The following C2CD3 variants were observed in gnomAD, a reference collection of about 807,000 sequenced individuals.
The protein encoded by C2CD3 is C2 domain-containing protein 3.
Under a neutral mutation model 234.0 loss-of-function variants are expected in C2CD3, and 148 were observed. That is an observed-to-expected ratio of 0.63 (90% CI 0.55 to 0.72). C2CD3 has a LOEUF of 0.72. Ranked by LOEUF, C2CD3 falls within the 30% of genes least tolerant of loss-of-function variation. C2CD3 has a pLI of 0.00. For missense variants in C2CD3, 2,577 were observed against 2,811.5 expected, an observed-to-expected ratio of 0.92 and a Z score of 1.89; for synonymous variants, 1,000 against 1,035.4, an observed-to-expected ratio of 0.97 and a Z score of 0.66.
At chr11:74,019,191 G>A (rs532218677) in intron 32 of C2CD3, among the ~76,000 whole-genome samples, 52 of 152,308 alleles carry the variant, frequency 3.4e-4, no homozygotes, top group African/African-American at 1.2e-3. Flanking sequence ...CTTACAAGAA[G>A]AGCTCCTGGC....
At chr11:74,146,124 T>A (rs558175444) in intron 3 of C2CD3, among the ~76,000 whole-genome samples, 27 of 152,062 alleles carry the variant, frequency 1.8e-4, no homozygotes, top group African/African-American at 6.3e-4. Context: ...TAAACTGTTA[T>A]TTTTTTAAGT....
chr11:74,124,054 T>C (rs1180656620), intron 7 of C2CD3, among the ~76,000 whole-genome samples: 2 of 152,102 alleles, frequency 1.3e-5, no homozygotes, highest in African/African-American at 2.4e-5. Context: ...TTCTTTCAGG[T>C]CCTTGTATAA....
rs1952808894 is a variant in C2CD3 at position 74,037,705 on chromosome 11, A to G, written c.5661-7T>C. 1 of 1,605,186 alleles carries G rather than the reference A, an allele frequency of 6.2e-7. No individual in the cohort carries two copies. Among genetic ancestry groups the G allele is most frequent in the Non-Finnish European group, 8.5e-7 (1 of 1,173,146 alleles). ...AAGCTCACTCAGATTCTTCCTATAAACAAAAGGGGGAGAAGAAGACAAAGG... is the reference window on the plus strand; with the variant it reads ...AAGCTCACTCAGATTCTTCCTATAAGCAAAAGGGGGAGAAGAAGACAAAGG... On this transcript the variant is annotated splice_region_variant and splice_polypyrimidine_tract_variant and intron_variant, in intron 29 of 32. Coordinates refer to ENST00000334126, the MANE Select transcript of C2CD3 (RefSeq NM_001286577.2).
chr11:74,101,656 T>C (rs952626644), intron 14 of C2CD3, among the ~76,000 whole-genome samples: 4 of 152,138 alleles, frequency 2.6e-5, no homozygotes, highest in African/African-American at 9.7e-5. Flanking sequence ...AGGAGTTAAC[T>C]GATACAAAAA....
intron 32 of C2CD3, among the ~76,000 whole-genome samples, chr11:74,017,749 C>T (rs773745985): frequency 6.6e-6 from 1 of 152,210 alleles, no homozygotes; most frequent in East Asian, 1.9e-4. Context: ...CCCTTGGCTC[C>T]TTCTCTGGTC....
chr11:74,080,659 A>C lies in C2CD3; in HGVS notation c.4001-1942T>G, dbSNP rs1360152372. Among the ~76,000 whole-genome samples the C allele has an allele frequency of 3.3e-5, 5 of 152,206 alleles. No homozygotes were observed. In the East Asian group the frequency reaches 9.6e-4, roughly 29 times the overall value. On this transcript the variant is annotated intron_variant, in intron 22 of 32. Coordinates refer to ENST00000334126, the MANE Select transcript of C2CD3 (RefSeq NM_001286577.2). ...AAAGAGAAATGATATATCCTTAATT[A>C]TCTAAAAGGTTTATATCCAAGGGGT...
intron 20 of C2CD3, among the ~76,000 whole-genome samples, chr11:74,090,477 C>CA (rs1955846036): frequency 1.3e-5 from 2 of 152,048 alleles, no homozygotes; most frequent in Admixed American, 1.3e-4. Flanking sequence ...AGGTAGTACT[C>CA]AGAGACTGAA....
intron 13 of C2CD3, among the ~76,000 whole-genome samples, chr11:74,106,088 T>C (rs1334127475): frequency 6.6e-6 from 1 of 152,220 alleles, no homozygotes; most frequent in African/African-American, 2.4e-5. Flanking sequence ...CTCTCTGGAA[T>C]GGTCTCTGTG....
intron 32 of C2CD3, among the ~76,000 whole-genome samples, chr11:74,025,510 T>C (rs1952259161): frequency 6.6e-6 from 1 of 151,672 alleles, no homozygotes; most frequent in African/African-American, 2.4e-5. Context: ...CCCCTAGGAG[T>C]TGGCATATTT....
chr11:74,015,608 A>T (rs1175310556), intron 32 of C2CD3, among the ~76,000 whole-genome samples: 1 of 152,186 alleles, frequency 6.6e-6, no homozygotes, highest in Non-Finnish European at 1.5e-5. Context: ...TATGAGCCAG[A>T]TGGGAAAACA....
intron 23 of C2CD3, among the ~76,000 whole-genome samples, chr11:74,075,024 C>T (rs903368608): frequency 9.2e-5 from 14 of 152,126 alleles, no homozygotes; most frequent in Admixed American, 7.9e-4. Context: ...GTTGAGGATG[C>T]AGTGAGCCAT....
intron 28 of C2CD3, among the ~76,000 whole-genome samples, chr11:74,046,434 C>A (rs1161100744): frequency 6.6e-6 from 1 of 152,176 alleles, no homozygotes; most frequent in Non-Finnish European, 1.5e-5. Flanking sequence ...CCCTTAAGTA[C>A]CTGGGCTCAA....
At chr11:74,146,441 G>GT (rs1439592756) in intron 3 of C2CD3, among the ~76,000 whole-genome samples, 2 of 152,126 alleles carry the variant, frequency 1.3e-5, no homozygotes, top group Non-Finnish European at 2.9e-5. Flanking sequence ...TCCATTTAAA[G>GT]TATCAATGAG....
At position 74,033,596 on chromosome 11, in the gene C2CD3, C is replaced by A; in HGVS notation, c.6564G>T (p.Thr2188=). The A allele has an allele frequency of 6.5e-7, 1 of 1,536,198 alleles. No individual in the cohort carries two copies. The highest frequency in any genetic ancestry group is 1.4e-5 in the African/African-American group (1 of 73,164). The stretch of plus-strand genomic sequence containing the variant: ...TCTGTGGTGAGCTCCATCCAACAAA[C>A]GTGCTGCTCTGTTGAGCTCCTGAGA... The part of the protein sequence containing the change: ...PTLSGAQQSS[T]FVGWSSPQTD... Residue 2188 remains threonine (T), a synonymous_variant, in exon 31 of 33, where the codon ACG becomes ACT. Transcript: ENST00000334126.
intron 12 of C2CD3, among the ~76,000 whole-genome samples, chr11:74,107,271 G>C (rs1238913176): frequency 6.6e-6 from 1 of 151,692 alleles, no homozygotes; most frequent in African/African-American, 2.4e-5. Context: ...GTTGCAGTAA[G>C]CTGAGACCAT....
At chr11:74,047,144 C>T (rs2135427566) in intron 28 of C2CD3, among the ~76,000 whole-genome samples, 1 of 152,280 alleles carries the variant, frequency 6.6e-6, no homozygotes. Context: ...CCCACTTTAC[C>T]ACCCTGTCCC....
At position 74,170,870 on chromosome 11, in the gene C2CD3, C is replaced by A. The variant is rs1429483275; in HGVS notation, c.-78G>T. The A allele has an allele frequency of 1.3e-6, 2 of 1,569,676 alleles. No individual in the cohort carries two copies. Among genetic ancestry groups the A allele is most frequent in the East Asian group, 4.8e-5 (2 of 42,092 alleles). ...AGTATCCTCCCGCCATCCCTCCCCA[C>A]GGCGCCTGCGTTCCCCGGCAACCGG... On this transcript the variant is annotated 5_prime_UTR_variant, in exon 1 of 33. Coordinates refer to ENST00000334126, the MANE Select transcript of C2CD3 (RefSeq NM_001286577.2).
chr11:74,018,039 A>G (rs1951940653), intron 32 of C2CD3, among the ~76,000 whole-genome samples: 1 of 152,110 alleles, frequency 6.6e-6, no homozygotes, highest in African/African-American at 2.4e-5. Flanking sequence ...TAACTGTCTC[A>G]CTCACTCAAG....
chr11:74,134,751 G>C (rs1366870807), intron 5 of C2CD3, among the ~76,000 whole-genome samples: 1 of 152,156 alleles, frequency 6.6e-6, no homozygotes, highest in African/African-American at 2.4e-5. Context: ...TTTAGAGACA[G>C]AGTCTTGCTC....
Sources: gnomAD v4.1 joint callset for allele counts (sites outside exome capture counted in the v4.1 genomes callset) on GRCh38, gnomAD v4.1.1 for gene constraint, MANE v1.5 for transcripts, NCBI Gene and HGNC (gene_info 2026-07-23, HGNC 2026-07-21) for gene names.